ZFC3H1: variants seen among roughly 807,000 people sequenced by gnomAD.
The protein encoded by ZFC3H1 is zinc finger C3H1 domain-containing protein.
In ZFC3H1, 71 loss-of-function variants were observed where a neutral mutation model predicts 243.7. The observed-to-expected ratio is 0.29, with a 90% CI of 0.24 to 0.36. ZFC3H1 has a LOEUF of 0.36. ZFC3H1 is among the 10% of genes least tolerant of loss of function. The pLI is 1.00. For missense variants in ZFC3H1, 1,966 were observed against 2,317.1 expected (o/e 0.85, Z 3.11); for synonymous variants, 838 against 813.0 (o/e 1.03, Z -0.52).
At chr12:71,649,960 G>A (rs113576324) in intron 2 of ZFC3H1, among the ~76,000 whole-genome samples, 3,000 of 152,230 alleles carry the variant, frequency 0.02, 69 homozygotes, top group Non-Finnish European at 0.027. Flanking sequence ...AGGCCAAGGC[G>A]GGTGGATCAC....
In ZFC3H1 at chr12:71,620,217, G is replaced by A. The variant is rs769759237; in HGVS notation, c.4843C>T (p.Leu1615=). Residue 1615 remains leucine, a synonymous_variant, in exon 25 of 35, where the codon CTG becomes TTG. Coordinates refer to ENST00000378743, the MANE Select transcript of ZFC3H1 (RefSeq NM_144982.5). ...YTNMIALHQL[L]ERYEAAMELC... ...TTGGCAATTAAGTTGTACCTCTCCA[G>A]GAGTTGGTGCAGAGCAATCATGTTT... is the stretch of plus-strand genomic sequence containing the variant. 1.2e-6 allele frequency: 2 copies of A among 1,614,108 alleles called. No homozygotes were observed. The highest frequency in any genetic ancestry group is 1.7e-5 in the Admixed American group (1 of 60,020).
chr12:71,642,305 G>A (rs946500702), intron 6 of ZFC3H1, 131 bp downstream of exon 6: 8 of 981,770 alleles, frequency 8.1e-6, no homozygotes, highest in South Asian at 7.1e-5. Flanking sequence ...AACAAATAAT[G>A]TCTATCGCCA....
chr12:71,637,167 A>G, intron 7 of ZFC3H1, 108 bp from the exon 8 acceptor site: 1 of 981,180 alleles, frequency 1.0e-6, no homozygotes, highest in Non-Finnish European at 1.5e-6. Flanking sequence ...TTATTATTTT[A>G]GCTGTAAATA....
At chr12:71,624,865 G>A (rs1456810958) in intron 22 of ZFC3H1, among the ~76,000 whole-genome samples, 2 of 152,206 alleles carry the variant, frequency 1.3e-5, no homozygotes, top group Non-Finnish European at 2.9e-5. Flanking sequence ...TACTTGGGAG[G>A]CTGAGGCAGG....
At chr12:71,617,711 G>C (rs1418908018) in intron 27 of ZFC3H1, among the ~76,000 whole-genome samples, 1 of 152,198 alleles carries the variant, frequency 6.6e-6, no homozygotes, top group Non-Finnish European at 1.5e-5. Context: ...AAGAAACTGA[G>C]TATGGAGAAG....
At chr12:71,629,836 T>C (rs1592590930) in intron 18 of ZFC3H1, 126 bp from the exon 19 acceptor site, 4 of 610,860 alleles carry the variant, frequency 6.5e-6, no homozygotes, top group Non-Finnish European at 8.6e-6. Flanking sequence ...ATAACACCTA[T>C]GGCATTTGAA....
chr12:71,615,841 T>C (rs1203696984), intron 27 of ZFC3H1, among the ~76,000 whole-genome samples: 1 of 152,156 alleles, frequency 6.6e-6, no homozygotes, highest in East Asian at 1.9e-4. Flanking sequence ...TTTATACCTA[T>C]ATGAAAAACT....
chr12:71,623,262 T>A, intron 24 of ZFC3H1, 98 bp downstream of exon 24: 1 of 1,038,002 alleles, frequency 9.6e-7, no homozygotes, highest in Non-Finnish European at 1.3e-6. Context: ...TATAAATTTG[T>A]TCCACTTAAT....
At chr12:71,628,879 A>G in intron 20 of ZFC3H1, 39 bp downstream of exon 20, 1 of 1,551,348 alleles carries the variant, frequency 6.4e-7, no homozygotes, top group Non-Finnish European at 8.7e-7. Flanking sequence ...GAACACCACA[A>G]TTTAATAATT....
At chr12:71,611,924 C>G in intron 31 of ZFC3H1, 37 bp from the exon 32 acceptor site, 1 of 1,377,436 alleles carries the variant, frequency 7.3e-7, no homozygotes, top group South Asian at 1.2e-5. Flanking sequence ...CAAAGCATTG[C>G]AAGTGTAACG....
Position 71,618,289 on chromosome 12 carries a change from A to C in ZFC3H1, c.5144+1026T>G, listed in dbSNP as rs541471742. Among the ~76,000 whole-genome samples the C allele has an allele frequency of 4.4e-3, 666 of 150,382 alleles. 4 individuals are homozygous for C. Among genetic ancestry groups the C allele is most frequent in the African/African-American group, 0.016 (640 of 41,244 alleles). ...TCTTAAAATAAAATTAAAAAAAAAA[A>C]ACAAAAACAAAAAACAAGTTCTAGG... On this transcript the variant is annotated intron_variant, in intron 27 of 34. Transcript: ENST00000378743.
At chr12:71,647,507 A>T (rs915380827) in intron 3 of ZFC3H1, among the ~76,000 whole-genome samples, 1 of 152,036 alleles carries the variant, frequency 6.6e-6, no homozygotes, top group Admixed American at 6.5e-5. Context: ...ACAAATGATT[A>T]AAAAAAAGAT....
intron 1 of ZFC3H1, among the ~76,000 whole-genome samples, chr12:71,657,998 A>G (rs567138238): frequency 1.6e-4 from 23 of 143,378 alleles, no homozygotes; most frequent in Admixed American, 1.6e-3. Flanking sequence ...CAAAAAAAAG[A>G]AAAAAAAAAA....
In ZFC3H1 at chr12:71,656,985, C is replaced by T. The variant is rs1351090473; in HGVS notation, c.915G>A (p.Arg305=). 1 of 1,613,802 alleles carries T rather than the reference C, an allele frequency of 6.2e-7. No homozygotes were observed. The highest frequency in any genetic ancestry group is 8.5e-7 in the Non-Finnish European group (1 of 1,179,890). The change falls in exon 2 of 35, where the codon AGG becomes AGA. Residue 305 remains arginine, a synonymous_variant. Coordinates refer to ENST00000378743, the MANE Select transcript of ZFC3H1 (RefSeq NM_144982.5). ...TATCTCCTGGTAAAGTCAATTTTTGCCTGAGTGGTTTTAATTCAAATGCCT... is the reference window on the plus strand; with the variant it reads ...TATCTCCTGGTAAAGTCAATTTTTGTCTGAGTGGTTTTAATTCAAATGCCT... ...TFQAFELKPL[R]QKLTLPGDKN... is the part of the protein sequence containing the mutation.
At chr12:71,660,939 T>C (rs1592606455) in intron 1 of ZFC3H1, among the ~76,000 whole-genome samples, 1 of 151,818 alleles carries the variant, frequency 6.6e-6, no homozygotes, top group Non-Finnish European at 1.5e-5. Flanking sequence ...ATAGCAAGAC[T>C]TCGTCTCCCC....
At position 71,629,042 on chromosome 12, in the gene ZFC3H1, AG is replaced by A. The variant is rs756385947; in HGVS notation, c.3827-6del. ...TGTAGGTTGTAAATGGAGGAGCTAA[AG>A]TAGATAGGAGAAGATTGTTAATTGA... On this transcript the variant is annotated splice_region_variant and splice_polypyrimidine_tract_variant and intron_variant, in intron 19 of 34. Coordinates refer to ENST00000378743, the MANE Select transcript of ZFC3H1 (RefSeq NM_144982.5). 124 of 1,593,442 alleles carry A rather than the reference AG, an allele frequency of 7.8e-5. No individual in the cohort carries two copies. Among genetic ancestry groups the A allele is most frequent in the Non-Finnish European group, 1.0e-4 (121 of 1,174,164 alleles).
At chr12:71,652,361 A>T (rs1053414226) in intron 2 of ZFC3H1, among the ~76,000 whole-genome samples, 1 of 152,188 alleles carries the variant, frequency 6.6e-6, no homozygotes, top group East Asian at 1.9e-4. Flanking sequence ...CAAAATTCAA[A>T]TTCTTTAGCA....
intron 22 of ZFC3H1, among the ~76,000 whole-genome samples, chr12:71,625,279 G>A (rs1490192857): frequency 6.6e-6 from 1 of 152,180 alleles, no homozygotes; most frequent in Non-Finnish European, 1.5e-5. Context: ...GACAGCAATA[G>A]ATTTATTTAA....
intron 25 of ZFC3H1, 28 bp from the exon 26 acceptor site, chr12:71,620,152 A>G: frequency 6.2e-7 from 1 of 1,609,506 alleles, no homozygotes; most frequent in South Asian, 1.1e-5. Context: ...AAAAAGGCTA[A>G]AGACATGAAA....
Sources: gnomAD v4.1 joint callset for allele counts (sites outside exome capture counted in the v4.1 genomes callset) on GRCh38, gnomAD v4.1.1 for gene constraint, MANE v1.5 for transcripts, NCBI Gene and HGNC (gene_info 2026-07-23, HGNC 2026-07-21) for gene names.